ZMIZ2: variants seen among roughly 807,000 people sequenced by gnomAD.
ZMIZ2 encodes zinc finger MIZ-type containing 2, also known as zinc finger MIZ domain-containing protein 2.
A neutral mutation model predicts 93.9 loss-of-function variants in ZMIZ2; 26 were observed. The ratio of observed to expected loss-of-function variants is 0.28; its 90% CI spans 0.20 to 0.38. ZMIZ2 has a LOEUF of 0.38. ZMIZ2 is among the 10% of genes least tolerant of loss of function. ZMIZ2 has a pLI of 1.00. For synonymous variants in ZMIZ2, 485 were observed against 516.4 expected, an observed-to-expected ratio of 0.94 and a Z score of 0.82; for missense variants, 1,023 against 1,235.0, an observed-to-expected ratio of 0.83 and a Z score of 2.57.
At chr7:44,750,162 G>A (rs1790012443) in intron 1 of ZMIZ2, among the ~76,000 whole-genome samples, 1 of 152,204 alleles carries the variant, frequency 6.6e-6, no homozygotes, top group African/African-American at 2.4e-5. Flanking sequence ...AGGTGGTCAT[G>A]TGTCCTCAGT....
In ZMIZ2 at chr7:44,765,831, A is replaced by C; in HGVS notation, c.2242+252A>C. ...CCTCCACCCTTCCTTCCCCGTTTGG[A>C]TTAAGGGGCTCCTGGCTGGAACACC... On this transcript the variant is annotated intron_variant, in intron 16 of 18. Transcript: ENST00000309315. This position sits in a 1 kb window ranked among gnomAD's most constrained non-coding sequence, Gnocchi z 4.1. The C allele has an allele frequency of 9.2e-7, 1 of 1,090,358 alleles. No homozygotes were observed. Among genetic ancestry groups the C allele is most frequent in the Non-Finnish European group, 1.3e-6 (1 of 791,826 alleles). The allele number at this position is 1,090,358 out of a possible 1,614,324, so 67.5% of individuals were successfully genotyped here.
rs770533262 is a variant in ZMIZ2, at chr7:44,766,679, C to T, written c.2655+16C>T. The T allele has an allele frequency of 1.2e-6, 2 of 1,610,416 alleles. No individual in the cohort carries two copies. Among genetic ancestry groups the T allele is most frequent in the East Asian group, 4.5e-5 (2 of 44,810 alleles). On this transcript the variant is annotated intron_variant, in intron 18 of 18. Transcript: ENST00000309315. The surrounding 1 kb of genome is among the most constrained non-coding windows in gnomAD (Gnocchi z 4.4). ...AGCTCTGGACGTGAGTACCAGGCCCCATGCGGGGGAGTGCGTGGGAGCCAG... is the reference window on the plus strand; with the variant it reads ...AGCTCTGGACGTGAGTACCAGGCCCTATGCGGGGGAGTGCGTGGGAGCCAG...
chr7:44,753,899 C>T (rs1790368066), intron 1 of ZMIZ2, among the ~76,000 whole-genome samples: 1 of 152,168 alleles, frequency 6.6e-6, no homozygotes, highest in African/African-American at 2.4e-5. Context: ...CCAGTTGCTC[C>T]ATTGTCCCAG....
At chr7:44,755,391 G>T (rs1790506233) in intron 1 of ZMIZ2, among the ~76,000 whole-genome samples, 1 of 152,162 alleles carries the variant, frequency 6.6e-6, no homozygotes, top group Non-Finnish European at 1.5e-5. Context: ...GGGTCTGCCT[G>T]CCTGGCCCCT....
At chr7:44,764,239 G>C (rs1221900840) in intron 13 of ZMIZ2, among the ~76,000 whole-genome samples, 180 bp from the exon 14 acceptor site, 1 of 152,236 alleles carries the variant, frequency 6.6e-6, no homozygotes, top group Admixed American at 6.5e-5. Context: ...AGTGAGAGCT[G>C]TTTGGGCTGT....
Position 44,757,930 on chromosome 7 carries a change from C to T in ZMIZ2, c.635C>T (p.Pro212Leu). The change falls in exon 6 of 19, where the codon CCT becomes CTT. Residue 212 changes from proline to leucine, a missense_variant. Transcript: ENST00000309315. The stretch of plus-strand genomic sequence containing the variant: ...CCTAGTGTCCCCGCTGGCATGAACC[C>T]TACTGGCATAGGAGGGGTAATGGGC... ...RGPSVPAGMN[P>L]TGIGGVMGPS... 1 of 1,611,986 alleles carries T rather than the reference C, an allele frequency of 6.2e-7. No individual in the cohort carries two copies. Among genetic ancestry groups the T allele is most frequent in the Non-Finnish European group, 8.5e-7 (1 of 1,178,992 alleles).
intron 1 of ZMIZ2, 73 bp from the exon 2 acceptor site, chr7:44,756,114 CG>C (rs1422618922): frequency 1.1e-5 from 13 of 1,227,426 alleles, no homozygotes; most frequent in Non-Finnish European, 1.5e-5. Flanking sequence ...CTGCTGGCAC[CG>C]GGGTCCCTCC....
chr7:44,763,041 C>G lies in ZMIZ2; in HGVS notation c.1702+55C>G. The G allele has an allele frequency of 6.5e-7, 1 of 1,541,650 alleles. No individual in the cohort carries two copies. The highest frequency in any genetic ancestry group is 1.2e-5 in the South Asian group (1 of 86,210). ...GCAGCCATCCCCATTCTGTGTGGCC[C>G]AAGCCCAACAATCCTCCTTGTGGGC... On this transcript the variant is annotated intron_variant, in intron 12 of 18. Coordinates refer to ENST00000309315, the MANE Select transcript of ZMIZ2 (RefSeq NM_031449.4). This position sits in a 1 kb window ranked among gnomAD's most constrained non-coding sequence, Gnocchi z 5.6.
Position 44,765,108 on chromosome 7 carries a change from CT to C in ZMIZ2, c.1997+104del. On this transcript the variant is annotated intron_variant, in intron 15 of 18. Coordinates refer to ENST00000309315, the MANE Select transcript of ZMIZ2 (RefSeq NM_031449.4). The surrounding 1 kb of genome is among the most constrained non-coding windows in gnomAD (Gnocchi z 4.1). ...CCCTTGCCAAGTGCAGCCTTCCAGC[CT>C]TTTTCCGGCATGGAGCAGGCTGGAT... is the stretch of plus-strand genomic sequence containing the variant. 9.8e-6 allele frequency: 15 copies of C among 1,533,298 alleles called. No homozygotes were observed. Among genetic ancestry groups the C allele is most frequent in the Non-Finnish European group, 9.8e-6 (11 of 1,119,004 alleles). The allele number at this position is 1,533,298 out of a possible 1,614,324, so 95.0% of individuals were successfully genotyped here.
At chr7:44,749,899 G>A (rs1789992444) in intron 1 of ZMIZ2, 1 of 152,220 alleles carries the variant, frequency 6.6e-6, no homozygotes, top group South Asian at 2.1e-4. Flanking sequence ...TCACCACCAA[G>A]TTCTGGCAAG....
In ZMIZ2 at chr7:44,759,477, C is replaced by T; in HGVS notation, c.993+17C>T. ...CATTATAAGGTAGGGCAGGCTCCTC[C>T]AGGCCCTGTGCCGGGCTCCGTGCTG... On this transcript the variant is annotated intron_variant, in intron 7 of 18. Coordinates refer to ENST00000309315, the MANE Select transcript of ZMIZ2 (RefSeq NM_031449.4). 1.4e-6 allele frequency: 2 copies of T among 1,466,928 alleles called. No homozygotes were observed. Among genetic ancestry groups the T allele is most frequent in the Admixed American group, 2.5e-5 (1 of 40,572 alleles). The allele number at this position is 1,466,928 out of a possible 1,614,324, so 90.9% of individuals were successfully genotyped here.
chr7:44,762,278 G>C (rs1264728596), intron 11 of ZMIZ2, among the ~76,000 whole-genome samples: 2 of 152,252 alleles, frequency 1.3e-5, no homozygotes, highest in South Asian at 2.1e-4. Context: ...TTTCCAGTTA[G>C]AGTAAATTGA....
Position 44,764,933 on chromosome 7 carries a change from C to T in ZMIZ2, c.1929-8C>T. On this transcript the variant is annotated splice_region_variant and splice_polypyrimidine_tract_variant and intron_variant, in intron 14 of 18. Coordinates refer to ENST00000309315, the MANE Select transcript of ZMIZ2 (RefSeq NM_031449.4). Reference sequence around the variant, plus strand: ...GTCTCTGAGCTGTGTCCCTTTTTTTCCCCACAGCAAGACAGCTTTGCTGGA... The same window carrying T: ...GTCTCTGAGCTGTGTCCCTTTTTTTTCCCACAGCAAGACAGCTTTGCTGGA... 1 of 1,613,020 alleles carries T rather than the reference C, an allele frequency of 6.2e-7. No individual in the cohort carries two copies. Among genetic ancestry groups the T allele is most frequent in the Non-Finnish European group, 8.5e-7 (1 of 1,179,658 alleles).
chr7:44,759,755 C>T (rs1291332387), intron 7 of ZMIZ2: 2 of 459,678 alleles, frequency 4.4e-6, no homozygotes, highest in Non-Finnish European at 3.8e-6. Context: ...AGGTGGGTAC[C>T]CAAAACATTT....
In ZMIZ2 at chr7:44,761,885, A is replaced by G; in HGVS notation, c.1576A>G (p.Thr526Ala). Residue 526 changes from threonine to alanine, a missense_variant, in exon 11 of 19, where the codon ACC becomes GCC. Physicochemically the swap from Thr to Ala is moderately conservative, Grantham distance 58. This residue lies in a region of ZMIZ2 where 656 missense variants were observed against 777.1 expected (regional missense o/e 0.84). Transcript: ENST00000309315. This position sits in a 1 kb window ranked among gnomAD's most constrained non-coding sequence, Gnocchi z 5.8. ...GCCAGGCCGCAACACCATCCAGATC[A>G]CCGTCACCGCCTGCTGCTGCGTGCG... The part of the protein sequence containing the change: ...CQPGRNTIQI[T>A]VTACCCSHLF... The G allele has an allele frequency of 1.2e-6, 2 of 1,611,598 alleles. No homozygotes were observed. The highest frequency in any genetic ancestry group is 1.1e-5 in the South Asian group (1 of 91,042).
intron 6 of ZMIZ2, among the ~76,000 whole-genome samples, 197 bp from the exon 7 acceptor site, chr7:44,759,084 T>TA (rs71563954): frequency 0.076 from 7,400 of 97,430 alleles, 334 homozygotes; most frequent in Non-Finnish European, 0.091. Context: ...TGTCTCAAAT[T>TA]AAAAAAAAAA....
In ZMIZ2 at chr7:44,761,107, A is replaced by T. The variant is rs1791132090; in HGVS notation, c.1241-342A>T. Among the ~76,000 whole-genome samples the T allele has an allele frequency of 6.6e-6, 1 of 152,224 alleles. No individual in the cohort carries two copies. The highest frequency in any genetic ancestry group is 2.1e-4 in the South Asian group (1 of 4,836). On this transcript the variant is annotated intron_variant, in intron 9 of 18. Transcript: ENST00000309315. This position sits in a 1 kb window ranked among gnomAD's most constrained non-coding sequence, Gnocchi z 5.8. ...TATAGGGCAATTGCAGGAGGCTCTC[A>T]CACACCTTGGCCTCCCAGTCTCTCT...
rs750367259 is a variant in ZMIZ2 at position 44,759,424 on chromosome 7, C to T, written c.957C>T (p.Ser319=). 1.1e-5 allele frequency: 17 copies of T among 1,585,182 alleles called. 1 individual carries two copies. The highest frequency in any genetic ancestry group is 4.7e-5 in the East Asian group (2 of 42,624). ...RLPLQQGMTQ[S]LSVPGPTGLH... ...CCCTGCAGCAGGGCATGACCCAGTC[C>T]CTGTCCGTGCCTGGCCCCACGGGAC... The change falls in exon 7 of 19, where the codon TCC becomes TCT. Residue 319 remains serine (S), a synonymous_variant. Transcript: ENST00000309315.
chr7:44,769,838 A>G lies in ZMIZ2; in HGVS notation c.*2215A>G, dbSNP rs1054737913. 2.0e-5 allele frequency: 3 copies of G among 152,280 alleles called. No homozygotes were observed. Among genetic ancestry groups the G allele is most frequent in the African/African-American group, 7.2e-5 (3 of 41,462 alleles). The allele number at this position is 152,280 out of a possible 1,614,324, so 9.4% of individuals were successfully genotyped here. A position where few individuals can be genotyped will look rare whatever the true frequency, so the allele number is the denominator to read the frequency against. On this transcript the variant is annotated 3_prime_UTR_variant, in exon 19 of 19. Coordinates refer to ENST00000309315, the MANE Select transcript of ZMIZ2 (RefSeq NM_031449.4). ...ACAACGTGGGATGAAAAAGCAAGAC[A>G]GTTCATACAGTATGATGCCATTTTT...
Sources: gnomAD v4.1 joint callset for allele counts (sites outside exome capture counted in the v4.1 genomes callset) on GRCh38, gnomAD v4.1.1 for gene constraint, gnomAD v4.1.1 regional missense constraint, Gnocchi (gnomAD v3.1) non-coding constraint, MANE v1.5 for transcripts, NCBI Gene and HGNC (gene_info 2026-07-23, HGNC 2026-07-21) for gene names.